The following TMEFF1 variants were observed in gnomAD, a reference collection of about 807,000 sequenced individuals.
The protein encoded by TMEFF1 is transmembrane protein with EGF like and two follistatin like domains 1.
TMEFF1 carries 20 observed loss-of-function variants against 47.5 expected under a neutral mutation model. The ratio of observed to expected loss-of-function variants is 0.42; its 90% confidence interval spans 0.30 to 0.61. The LOEUF is 0.61. Among genes scored for constraint, TMEFF1 ranks in the 20% least tolerant of loss-of-function variants. The pLI, the probability that TMEFF1 is intolerant of heterozygous loss-of-function variation, is 0.19. For missense variants in TMEFF1, 411 were observed against 471.1 expected (o/e 0.87, Z 1.18); for synonymous variants, 162 against 166.3 (o/e 0.97, Z 0.20).
chr9:100,567,214 T>C (rs1839141786), intron 8 of TMEFF1, among the ~76,000 whole-genome samples: 1 of 152,190 alleles, frequency 6.6e-6, no homozygotes, highest in Non-Finnish European at 1.5e-5. Flanking sequence ...GCATGGATGC[T>C]CCCACTTTAG....
At chr9:100,520,328 A>G (rs756512544) in intron 5 of TMEFF1, among the ~76,000 whole-genome samples, 1 of 152,164 alleles carries the variant, frequency 6.6e-6, no homozygotes, top group African/African-American at 2.4e-5. Flanking sequence ...CAAATGAACA[A>G]ACAACCCAGA....
chr9:100,548,253 A>G (rs1328892228), intron 6 of TMEFF1, among the ~76,000 whole-genome samples: 4 of 152,090 alleles, frequency 2.6e-5, no homozygotes, highest in Admixed American at 6.5e-5. Flanking sequence ...TGTTATTGCC[A>G]TATATTTGTT....
In TMEFF1 at chr9:100,473,848, A is replaced by C; in HGVS notation, c.196+108A>C. ...GGAAAGACCCCGTCGTGGGGGTCCCAGGGGTGGGCCCGAGGGTGAGCGAGG... is the reference window on the plus strand; with the variant it reads ...GGAAAGACCCCGTCGTGGGGGTCCCCGGGGTGGGCCCGAGGGTGAGCGAGG... On this transcript the variant is annotated intron_variant, in intron 1 of 9. Transcript: ENST00000374879. This position sits in a 1 kb window ranked among gnomAD's most constrained non-coding sequence, Gnocchi z 5.4. 1 of 1,301,020 alleles carries C rather than the reference A, an allele frequency of 7.7e-7. No individual in the cohort carries two copies. The highest frequency in any genetic ancestry group is 1.8e-5 in the South Asian group (1 of 55,298). The allele number at this position is 1,301,020 out of a possible 1,614,324, so 80.6% of individuals were successfully genotyped here.
At chr9:100,546,133 T>C (rs1188594058) in intron 5 of TMEFF1, among the ~76,000 whole-genome samples, 1 of 152,148 alleles carries the variant, frequency 6.6e-6, no homozygotes, top group Non-Finnish European at 1.5e-5. Context: ...AGCACCCCAC[T>C]CTACTGGTAC....
At chr9:100,536,273 A>AG (rs1167919309) in intron 5 of TMEFF1, among the ~76,000 whole-genome samples, 1 of 152,170 alleles carries the variant, frequency 6.6e-6, no homozygotes, top group Non-Finnish European at 1.5e-5. Context: ...GCCCATTTCT[A>AG]GGGGTAATGT....
chr9:100,498,653 G>A, intron 1 of TMEFF1, 112 bp from the exon 2 acceptor site: 2 of 871,970 alleles, frequency 2.3e-6, no homozygotes, highest in South Asian at 1.8e-5. Flanking sequence ...TTCTGAATGG[G>A]GGGGCTCAAT....
chr9:100,565,065 G>A (rs555792412), intron 8 of TMEFF1, among the ~76,000 whole-genome samples: 32 of 152,104 alleles, frequency 2.1e-4, no homozygotes, highest in Non-Finnish European at 1.5e-4. Flanking sequence ...TCAGTTTGAC[G>A]TGCTTGGTCT....
chr9:100,547,997 C>T (rs989710171), intron 6 of TMEFF1, 105 bp downstream of exon 6: 77 of 1,241,320 alleles, frequency 6.2e-5, no homozygotes, highest in Admixed American at 2.0e-4. Context: ...GAGAAATCCT[C>T]GAAGCTTTAT....
At chr9:100,488,342 G>A (rs771797490) in intron 1 of TMEFF1, among the ~76,000 whole-genome samples, 3 of 152,024 alleles carry the variant, frequency 2.0e-5, no homozygotes, top group African/African-American at 4.8e-5. Context: ...CATTTAGATT[G>A]TTTTCTACTT....
chr9:100,503,224 G>A (rs771029003), intron 2 of TMEFF1, among the ~76,000 whole-genome samples: 20 of 151,756 alleles, frequency 1.3e-4, no homozygotes, highest in Non-Finnish European at 2.5e-4. Flanking sequence ...ACAGATAACA[G>A]GATTTTAAAT....
At chr9:100,501,979 A>G (rs1837771081) in intron 2 of TMEFF1, among the ~76,000 whole-genome samples, 1 of 152,192 alleles carries the variant, frequency 6.6e-6, no homozygotes, top group African/African-American at 2.4e-5. Context: ...ATGTATGCCC[A>G]TAGTAAACAA....
At chr9:100,552,586 A>T (rs962663772) in intron 7 of TMEFF1, among the ~76,000 whole-genome samples, 1 of 152,194 alleles carries the variant, frequency 6.6e-6, no homozygotes, top group Non-Finnish European at 1.5e-5. Context: ...GTGATAACTG[A>T]AGCCACAAGA....
At chr9:100,516,825 G>A in intron 5 of TMEFF1, 54 bp downstream of exon 5, 1 of 1,573,180 alleles carries the variant, frequency 6.4e-7, no homozygotes, top group South Asian at 1.2e-5. Flanking sequence ...TCATCAGTAT[G>A]ATTATATTGT....
At chr9:100,513,283 T>C (rs1187709655) in intron 3 of TMEFF1, 24 bp from the exon 4 acceptor site, 1 of 1,591,240 alleles carries the variant, frequency 6.3e-7, no homozygotes, top group Non-Finnish European at 8.5e-7. Context: ...AATGTTCATA[T>C]TCATTCTTTG....
chr9:100,509,414 A>G (rs1358852776), intron 3 of TMEFF1, among the ~76,000 whole-genome samples: 2 of 152,104 alleles, frequency 1.3e-5, no homozygotes, highest in Non-Finnish European at 2.9e-5. Context: ...TTATGATTTG[A>G]ACAGTAGACA....
chr9:100,572,465 G>T, intron 8 of TMEFF1, 53 bp from the exon 9 acceptor site: 2 of 1,468,282 alleles, frequency 1.4e-6, no homozygotes, highest in Non-Finnish European at 9.0e-7. Context: ...TAAAAGCTTG[G>T]GAGTATCAAA....
rs368162371 is a variant in TMEFF1 at position 100,562,618 on chromosome 9, G to GT, written c.899+1109dup. ...AGCTGTACGAATGGTAACAGGCCAGGTTTTTTTTTTTGTTTGTTTTGTTTT... is the reference window on the plus strand; with the variant it reads ...AGCTGTACGAATGGTAACAGGCCAGGTTTTTTTTTTTTGTTTGTTTTGTTTT... On this transcript the variant is annotated intron_variant, in intron 8 of 9. Transcript: ENST00000374879. Among the ~76,000 whole-genome samples the GT allele has an allele frequency of 3.5e-4, 51 of 144,800 alleles. 1 individual carries two copies. In the South Asian group the frequency reaches 4.6e-3, roughly 13 times the overall value. 95.0% of individuals were successfully genotyped at this position (144,800 alleles called of 152,430 possible). A position where few individuals can be genotyped will look rare whatever the true frequency, so the allele number is the denominator to read the frequency against.
chr9:100,533,663 G>A (rs554022706), intron 5 of TMEFF1, among the ~76,000 whole-genome samples: 1 of 150,954 alleles, frequency 6.6e-6, no homozygotes, highest in Non-Finnish European at 1.5e-5. Flanking sequence ...TTTTTTTTCT[G>A]TTGTTCATTT....
intron 7 of TMEFF1, among the ~76,000 whole-genome samples, chr9:100,553,705 G>T (rs944836309): frequency 3.3e-5 from 5 of 152,130 alleles, no homozygotes; most frequent in African/African-American, 4.8e-5. Flanking sequence ...GTGGCATTTA[G>T]AAAACATGTA....
Sources: allele counts gnomAD v4.1 joint callset (sites outside exome capture counted in the v4.1 genomes callset), GRCh38; gene constraint gnomAD v4.1.1; non-coding constraint Gnocchi (gnomAD v3.1); transcripts MANE v1.5; gene names NCBI Gene and HGNC (gene_info 2026-07-23, HGNC 2026-07-21).